The following KAZN variants were observed in gnomAD, a reference collection of about 807,000 sequenced individuals.
KAZN encodes the protein kazrin, periplakin interacting protein, also known as kazrin.
KAZN carries 40 observed loss-of-function variants against 87.4 expected under a neutral mutation model. The observed-to-expected ratio is 0.46, with a 90% CI of 0.36 to 0.60. The LOEUF (loss-of-function observed/expected upper bound fraction) is 0.60. Among genes scored for constraint, KAZN ranks in the 20% least tolerant of loss-of-function variants. The pLI, the probability that KAZN is intolerant of heterozygous loss-of-function variation, is 0.00. For synonymous variants in KAZN, 466 were observed against 458.3 expected (o/e 1.02, Z -0.22); for missense variants, 898 against 1,073.9 (o/e 0.84, Z 2.29).
intron 2 of KAZN, among the ~76,000 whole-genome samples, chr1:14,529,802 A>G (rs1006759659): frequency 1.3e-5 from 2 of 152,178 alleles, no homozygotes; most frequent in African/African-American, 4.8e-5. Context: ...GCCCTGTTGG[A>G]GACACTCCAT....
At chr1:14,039,126 G>A (rs369056323) in intron 1 of KAZN, among the ~76,000 whole-genome samples, 1 of 150,202 alleles carries the variant, frequency 6.7e-6, no homozygotes, top group African/African-American at 2.5e-5. Flanking sequence ...AGCCAAGATC[G>A]TGCCACTGCA....
chr1:14,717,235 T>C (rs1642841987), intron 1 of KAZN, among the ~76,000 whole-genome samples: 1 of 151,914 alleles, frequency 6.6e-6, no homozygotes, highest in Admixed American at 6.6e-5. Context: ...GTTCATCTCA[T>C]GTGTCCATTC....
intron 1 of KAZN, among the ~76,000 whole-genome samples, chr1:14,121,805 G>A (rs375930565): frequency 2.6e-5 from 4 of 152,214 alleles, no homozygotes; most frequent in Admixed American, 6.5e-5. Context: ...CAATAGGGAG[G>A]TGAGAATAAG....
At chr1:14,997,527 A>G (rs1668023451) in intron 2 of KAZN, among the ~76,000 whole-genome samples, 1 of 152,132 alleles carries the variant, frequency 6.6e-6, no homozygotes, top group Non-Finnish European at 1.5e-5. Context: ...GGTGTGAGCC[A>G]CCGCACCTGG....
At chr1:14,481,045 G>C (rs1367756905) in intron 2 of KAZN, among the ~76,000 whole-genome samples, 2 of 151,630 alleles carry the variant, frequency 1.3e-5, no homozygotes, top group Non-Finnish European at 2.9e-5. Context: ...TGTATTTTCT[G>C]TCTTTCATTC....
intron 2 of KAZN, among the ~76,000 whole-genome samples, chr1:14,555,676 T>C (rs773076813): frequency 2.8e-4 from 43 of 152,200 alleles, no homozygotes; most frequent in Admixed American, 1.4e-3. Flanking sequence ...CAAAGCTAGC[T>C]AGTGATAAAA....
intron 1 of KAZN, among the ~76,000 whole-genome samples, chr1:14,744,186 A>G (rs1388747792): frequency 3.3e-5 from 5 of 152,180 alleles, no homozygotes; most frequent in Non-Finnish European, 7.3e-5. Flanking sequence ...ATTATTAATA[A>G]CACTAGCAGC....
At chr1:14,886,503 C>T (rs777256913) in intron 1 of KAZN, among the ~76,000 whole-genome samples, 3 of 151,932 alleles carry the variant, frequency 2.0e-5, no homozygotes, top group Non-Finnish European at 4.4e-5. Context: ...CATATAAACA[C>T]GCATATGGCC....
At chr1:14,925,737 C>T (rs548718950) in intron 1 of KAZN, among the ~76,000 whole-genome samples, 1 of 152,152 alleles carries the variant, frequency 6.6e-6, no homozygotes, top group African/African-American at 2.4e-5. Context: ...CCACAAGGCC[C>T]CCTATTCTTG....
chr1:14,314,118 T>C (rs925341563), intron 2 of KAZN, among the ~76,000 whole-genome samples: 15 of 152,142 alleles, frequency 9.9e-5, no homozygotes, highest in African/African-American at 3.6e-4. Flanking sequence ...GCTATTTCTT[T>C]CCACATCTTT....
At chr1:14,297,686 T>C (rs1218518682) in intron 2 of KAZN, among the ~76,000 whole-genome samples, 1 of 152,164 alleles carries the variant, frequency 6.6e-6, no homozygotes, top group African/African-American at 2.4e-5. Context: ...CAATGCTACC[T>C]ACAACCCCAT....
chr1:13,958,809 A>G (rs1570388852), intron 1 of KAZN, among the ~76,000 whole-genome samples: 2 of 152,090 alleles, frequency 1.3e-5, no homozygotes, highest in Admixed American at 1.3e-4. Flanking sequence ...GAGGAGACCA[A>G]TGTGGCTGGA....
Position 15,056,494 on chromosome 1 carries a change from G to A in KAZN, c.916+214G>A, listed in dbSNP as rs563497567. On this transcript the variant is annotated intron_variant, in intron 5 of 14. Coordinates refer to ENST00000376030, the MANE Select transcript of KAZN (RefSeq NM_201628.3). The surrounding 1 kb of genome is among the most constrained non-coding windows in gnomAD (Gnocchi z 5.4). ...AAACACTATCTGGGTCCCTCTGACC[G>A]TCTCTCCATCTCTTAGCTCTGCCCA... 9.9e-5 allele frequency among the ~76,000 whole-genome samples: 15 copies of A among 152,276 alleles called. No homozygotes were observed. The highest frequency in any genetic ancestry group is 2.1e-4 in the Non-Finnish European group (14 of 68,028).
chr1:14,515,705 C>T (rs575391852), intron 2 of KAZN, among the ~76,000 whole-genome samples: 2 of 152,250 alleles, frequency 1.3e-5, no homozygotes, highest in South Asian at 4.2e-4. Context: ...TTTCTCAAGT[C>T]TTAGCCACTA....
intron 2 of KAZN, among the ~76,000 whole-genome samples, chr1:14,484,691 A>G (rs549794502): frequency 5.8e-4 from 88 of 152,312 alleles, no homozygotes; most frequent in Admixed American, 1.6e-3. Flanking sequence ...CGCAAGGCGC[A>G]TTCACATGGC....
chr1:14,303,831 C>T (rs11589133), intron 2 of KAZN, among the ~76,000 whole-genome samples: 65,714 of 152,068 alleles, frequency 0.43, 14,635 homozygotes, highest in Admixed American at 0.57. Flanking sequence ...ACAAGTCTTG[C>T]ATTATTCTCT....
intron 2 of KAZN, among the ~76,000 whole-genome samples, chr1:14,353,510 C>T (rs549163179): frequency 1.7e-4 from 26 of 152,230 alleles, no homozygotes; most frequent in African/African-American, 4.8e-4. Flanking sequence ...TGAGCCACCG[C>T]GCCCGGCCGA....
At chr1:14,023,011 CA>C (rs1640918155) in intron 1 of KAZN, among the ~76,000 whole-genome samples, 1 of 152,084 alleles carries the variant, frequency 6.6e-6, no homozygotes, top group South Asian at 2.1e-4. Flanking sequence ...AAGCATCAGC[CA>C]AAATGTCAAC....
intron 1 of KAZN, among the ~76,000 whole-genome samples, chr1:14,655,272 C>T (rs1638715757): frequency 1.3e-5 from 2 of 152,144 alleles, no homozygotes; most frequent in South Asian, 4.1e-4. Context: ...GTTTAGGAAC[C>T]CACCTCCTCT....
Sources: allele counts gnomAD v4.1 joint callset (sites outside exome capture counted in the v4.1 genomes callset), GRCh38; gene constraint gnomAD v4.1.1; non-coding constraint Gnocchi (gnomAD v3.1); transcripts MANE v1.5; gene names NCBI Gene and HGNC (gene_info 2026-07-23, HGNC 2026-07-21).